Variants in RBM34 observed in about 807,000 individuals in gnomAD.
RBM34 encodes RNA-binding protein 34.
Under a neutral mutation model 44.6 loss-of-function variants are expected in RBM34, and 39 were observed. The ratio of observed to expected loss-of-function variants is 0.87; its 90% CI spans 0.68 to 1.14. RBM34 has a LOEUF of 1.14. RBM34 is among the 50% of genes most tolerant of loss of function. The pLI is 0.00. For missense variants in RBM34, 572 were observed against 517.9 expected, an observed-to-expected ratio of 1.10 and a Z score of -1.01; for synonymous variants, 194 against 184.0, an observed-to-expected ratio of 1.05 and a Z score of -0.44.
intron 6 of RBM34, among the ~76,000 whole-genome samples, chr1:235,145,326 G>A (rs1038190969): frequency 6.0e-5 from 9 of 150,290 alleles, no homozygotes; most frequent in Admixed American, 4.6e-4. Flanking sequence ...CATCCAGGCT[G>A]GAGCGTAGTG....
chr1:235,139,962 G>T (rs375198598), intron 6 of RBM34, among the ~76,000 whole-genome samples: 38 of 152,232 alleles, frequency 2.5e-4, no homozygotes, highest in African/African-American at 8.9e-4. Context: ...GCCGAGGCAG[G>T]AGTGTGCGCC....
chr1:235,154,434 T>C (rs1240539619), intron 4 of RBM34, among the ~76,000 whole-genome samples: 1 of 143,394 alleles, frequency 7.0e-6, no homozygotes, highest in Non-Finnish European at 1.5e-5. Context: ...CACGGTGGCG[T>C]GCGCCTGTAG....
rs564701001 is a variant in RBM34, at chr1:235,153,480, C to T, written c.598-715G>A. Among the ~76,000 whole-genome samples, 14 of 150,394 alleles carry T rather than the reference C, an allele frequency of 9.3e-5. 1 individual carries two copies. The highest frequency in any genetic ancestry group is 3.4e-4 in the African/African-American group (14 of 40,850). ...ACTCACTGTCACCCAGGCTGGAGTG[C>T]GGTGGCACGATCTTGGCTTCTGCAA... On this transcript the variant is annotated intron_variant, in intron 4 of 10. Transcript: ENST00000408888.
At chr1:235,157,259 T>C (rs573814190) in intron 3 of RBM34, among the ~76,000 whole-genome samples, 1 of 152,206 alleles carries the variant, frequency 6.6e-6, no homozygotes, top group Non-Finnish European at 1.5e-5. Context: ...AGTGTGTATC[T>C]GAGAAGACTG....
intron 6 of RBM34, among the ~76,000 whole-genome samples, chr1:235,138,503 T>C (rs1180929034): frequency 1.3e-5 from 2 of 152,178 alleles, no homozygotes; most frequent in African/African-American, 4.8e-5. Context: ...AACACACATA[T>C]AAACAGTTGT....
rs1386124976 is a variant in RBM34, at chr1:235,161,241, C to T, written c.-15G>A. The stretch of plus-strand genomic sequence containing the variant: ...TCCAAGGCCATTCTTACTCCAAAGA[C>T]TCCCAGACTGCAGCTGCGCGCCAGC... On this transcript the variant is annotated 5_prime_UTR_variant, in exon 1 of 11. Coordinates refer to ENST00000408888, the MANE Select transcript of RBM34 (RefSeq NM_015014.4). 6.2e-7 allele frequency: 1 copy of T among 1,613,570 alleles called. No homozygotes were observed.
chr1:235,145,054 TTAAA>T (rs1248811843), intron 6 of RBM34, among the ~76,000 whole-genome samples: 1 of 151,842 alleles, frequency 6.6e-6, no homozygotes, highest in Non-Finnish European at 1.5e-5. Context: ...AAAAAATAAA[TTAAA>T]TAAATAAACA....
chr1:235,136,253 A>G, intron 8 of RBM34, 180 bp from the exon 9 acceptor site: 1 of 625,860 alleles, frequency 1.6e-6, no homozygotes, highest in Non-Finnish European at 2.8e-6. Context: ...GTGTGTGGGT[A>G]CCAGAGGAGG....
chr1:235,150,740 G>A (rs1020141007), intron 5 of RBM34, among the ~76,000 whole-genome samples: 1 of 152,194 alleles, frequency 6.6e-6, no homozygotes, highest in Admixed American at 6.5e-5. Context: ...CAGAGTATTT[G>A]TAACCACAGC....
At chr1:235,160,687 T>C (rs979286036) in intron 2 of RBM34, 40 bp from the exon 3 acceptor site, 2 of 1,593,550 alleles carry the variant, frequency 1.3e-6, no homozygotes, top group African/African-American at 2.7e-5. Flanking sequence ...ACCCCATACT[T>C]CTAGAATTCT....
intron 4 of RBM34, among the ~76,000 whole-genome samples, chr1:235,154,432 C>T (rs111494659): frequency 0.11 from 16,520 of 151,430 alleles, 1,238 homozygotes; most frequent in Non-Finnish European, 0.16. Flanking sequence ...GGCACGGTGG[C>T]GTGCGCCTGT....
intron 6 of RBM34, among the ~76,000 whole-genome samples, chr1:235,146,083 T>C (rs1289298746): frequency 6.6e-6 from 1 of 151,308 alleles, no homozygotes; most frequent in Non-Finnish European, 1.5e-5. Flanking sequence ...CTTCGTCTGA[T>C]TCCCAAGCAG....
intron 6 of RBM34, among the ~76,000 whole-genome samples, chr1:235,146,076 C>T (rs891742869): frequency 2.1e-5 from 3 of 145,896 alleles, no homozygotes; most frequent in African/African-American, 7.6e-5. Context: ...GGTGCTCCTT[C>T]GTCTGATTCC....
chr1:235,160,827 TAAG>T (rs1222763038), intron 2 of RBM34, 63 bp downstream of exon 2: 2 of 1,577,026 alleles, frequency 1.3e-6, no homozygotes, highest in Non-Finnish European at 8.6e-7. Context: ...ACGCGGTAGG[TAAG>T]AAGATTGCTT....
intron 10 of RBM34, among the ~76,000 whole-genome samples, chr1:235,132,688 A>T (rs1661266362): frequency 6.6e-6 from 1 of 152,160 alleles, no homozygotes. Context: ...AGCTGACCAG[A>T]GGGCAGGGAA....
At chr1:235,145,430 C>A (rs957106011) in intron 6 of RBM34, among the ~76,000 whole-genome samples, 3 of 151,946 alleles carry the variant, frequency 2.0e-5, no homozygotes, top group Non-Finnish European at 4.4e-5. Context: ...GCGTGCACCA[C>A]CTTGCCCAGC....
intron 6 of RBM34, among the ~76,000 whole-genome samples, chr1:235,141,397 T>G (rs1416525674): frequency 1.3e-5 from 2 of 152,342 alleles, no homozygotes. Flanking sequence ...GTCGATACTC[T>G]GTATCTAACT....
chr1:235,160,838 C>T lies in RBM34; in HGVS notation c.228+55G>A, dbSNP rs978867622. On this transcript the variant is annotated intron_variant, in intron 2 of 10. Coordinates refer to ENST00000408888, the MANE Select transcript of RBM34 (RefSeq NM_015014.4). ...CTTCACGCGGTAGGTAAGAAGATTG[C>T]TTTGTATGTAAGTGGTTCTAACGAG... 4.4e-6 allele frequency: 7 copies of T among 1,588,686 alleles called. No homozygotes were observed. The Admixed American group carries it at 5.3e-5, about 12-fold the overall frequency.
At chr1:235,158,353 T>C (rs1337174626) in intron 3 of RBM34, among the ~76,000 whole-genome samples, 1 of 147,122 alleles carries the variant, frequency 6.8e-6, no homozygotes, top group East Asian at 2.0e-4. Context: ...GAGGCGGAGG[T>C]TGCAGTGAGC....
Sources: allele counts gnomAD v4.1 joint callset (sites outside exome capture counted in the v4.1 genomes callset), GRCh38; gene constraint gnomAD v4.1.1; transcripts MANE v1.5; gene names NCBI Gene and HGNC (gene_info 2026-07-23, HGNC 2026-07-21).